DLGAP1: variants seen among roughly 807,000 people sequenced by gnomAD.
DLGAP1 encodes the protein disks large-associated protein 1.
Under a neutral mutation model 90.8 loss-of-function variants are expected in DLGAP1, and 11 were observed. The ratio of observed to expected loss-of-function variants is 0.12; its 90% CI spans 0.08 to 0.20. The LOEUF is 0.20. DLGAP1 is among the 10% of genes least tolerant of loss of function. The pLI, the probability that DLGAP1 is intolerant of heterozygous loss-of-function variation, is 1.00. For missense variants in DLGAP1, 1,050 were observed against 1,333.8 expected (o/e 0.79, Z 3.31); for synonymous variants, 558 against 540.7 (o/e 1.03, Z -0.44).
At chr18:3,977,721 A>C (rs2073625512) in intron 3 of DLGAP1, 1 of 322,994 alleles carries the variant, frequency 3.1e-6, no homozygotes, top group African/African-American at 2.2e-5. Context: ...ACCAGGAAAT[A>C]AGCTTGACAA....
chr18:3,844,110 G>A (rs59607637), intron 4 of DLGAP1, among the ~76,000 whole-genome samples: 51 of 152,216 alleles, frequency 3.4e-4, no homozygotes, highest in African/African-American at 1.1e-3. Context: ...CTCGTCTCCC[G>A]TGCATAAAAA....
intron 1 of DLGAP1, among the ~76,000 whole-genome samples, chr18:4,347,082 T>C (rs962045514): frequency 6.6e-6 from 1 of 152,064 alleles, no homozygotes; most frequent in African/African-American, 2.4e-5. Context: ...CATCTATGTA[T>C]ACAAGTTTGA....
chr18:3,926,467 CCT>C (rs539084349), intron 3 of DLGAP1, among the ~76,000 whole-genome samples: 1,781 of 131,424 alleles, frequency 0.014, 38 homozygotes, highest in African/African-American at 0.039. Context: ...TATATATGTG[CCT>C]ATGTATGTAG....
At chr18:4,169,230 T>C (rs1443270803) in intron 1 of DLGAP1, among the ~76,000 whole-genome samples, 1 of 152,214 alleles carries the variant, frequency 6.6e-6, no homozygotes, top group Non-Finnish European at 1.5e-5. Flanking sequence ...CTGTTTTATA[T>C]GTATAAACTA....
chr18:3,599,378 G>T (rs1430760517), intron 7 of DLGAP1, among the ~76,000 whole-genome samples: 1 of 152,208 alleles, frequency 6.6e-6, no homozygotes, highest in African/African-American at 2.4e-5. Flanking sequence ...TGGAGTACTT[G>T]AATTTGTCTG....
chr18:4,189,766 T>C (rs2077361882), intron 1 of DLGAP1, among the ~76,000 whole-genome samples: 1 of 152,052 alleles, frequency 6.6e-6, no homozygotes, highest in South Asian at 2.1e-4. Flanking sequence ...GAATACACAA[T>C]ACATCAATAG....
intron 9 of DLGAP1, among the ~76,000 whole-genome samples, chr18:3,540,469 C>CAAAAAAAAAAAAAA (rs60740209): frequency 1.7e-5 from 1 of 58,020 alleles, no homozygotes; most frequent in Non-Finnish European, 3.1e-5. Context: ...GGCCCTGTGT[C>CAAAAAAAAAAAAAA]AAAAAAAAAA....
chr18:4,224,464 C>A (rs951915099), intron 1 of DLGAP1, among the ~76,000 whole-genome samples: 1 of 152,102 alleles, frequency 6.6e-6, no homozygotes, highest in African/African-American at 2.4e-5. Flanking sequence ...CATATGGGAA[C>A]CCACATCCCT....
intron 2 of DLGAP1, among the ~76,000 whole-genome samples, chr18:4,009,681 G>A (rs1440628240): frequency 6.6e-6 from 1 of 152,274 alleles, no homozygotes; most frequent in South Asian, 2.1e-4. Flanking sequence ...GAAAATATTT[G>A]CATAATAACA....
rs533403432 is a variant in DLGAP1 at position 3,714,210 on chromosome 18, T to C, written c.1591+14925A>G. 2.0e-5 allele frequency among the ~76,000 whole-genome samples: 3 copies of C among 152,346 alleles called. No homozygotes were observed. The South Asian group carries it at 6.2e-4, about 32-fold the overall frequency. ...CATATAATCCTATGAAGACTTTCCA[T>C]GGAAGCAAAGCAAAACAACGTATGA... On this transcript the variant is annotated intron_variant, in intron 7 of 12. Transcript: ENST00000315677.
At chr18:3,955,217 G>A (rs1327726753) in intron 3 of DLGAP1, among the ~76,000 whole-genome samples, 1 of 152,168 alleles carries the variant, frequency 6.6e-6, no homozygotes, top group Non-Finnish European at 1.5e-5. Flanking sequence ...TCTTGTTTTA[G>A]TAAGTGGGGA....
At chr18:3,958,907 A>G (rs2073137234) in intron 3 of DLGAP1, among the ~76,000 whole-genome samples, 1 of 152,188 alleles carries the variant, frequency 6.6e-6, no homozygotes, top group African/African-American at 2.4e-5. Context: ...TGCCTGTAAT[A>G]TCTCAAGGAA....
At chr18:4,304,617 T>G (rs914317754) in intron 1 of DLGAP1, among the ~76,000 whole-genome samples, 3 of 152,216 alleles carry the variant, frequency 2.0e-5, no homozygotes, top group African/African-American at 7.2e-5. Context: ...TATCTTAGTA[T>G]CTAAAATAAT....
At chr18:4,078,920 T>C (rs1419998393) in intron 2 of DLGAP1, among the ~76,000 whole-genome samples, 2 of 152,192 alleles carry the variant, frequency 1.3e-5, no homozygotes, top group African/African-American at 4.8e-5. Context: ...TTAGCATTTT[T>C]TTTTCTATTT....
At position 3,718,697 on chromosome 18, in the gene DLGAP1, G is replaced by A. The variant is rs561087258; in HGVS notation, c.1591+10438C>T. Among the ~76,000 whole-genome samples the A allele has an allele frequency of 1.1e-4, 16 of 152,038 alleles. No homozygotes were observed. The East Asian group carries it at 1.8e-3, about 17-fold the overall frequency. On this transcript the variant is annotated intron_variant, in intron 7 of 12. Coordinates refer to ENST00000315677, the MANE Select transcript of DLGAP1 (RefSeq NM_004746.4). ...TCCCAGCACTTTGGGGGGTCGAGGC[G>A]GGTGGATCGCCTGAGGTCAGGAGTT... is the stretch of plus-strand genomic sequence containing the variant.
chr18:3,547,049 C>G (rs1478366671), intron 9 of DLGAP1, among the ~76,000 whole-genome samples: 1 of 151,852 alleles, frequency 6.6e-6, no homozygotes, highest in African/African-American at 2.4e-5. Context: ...CGCCTGTAAT[C>G]CCAGCACTTT....
intron 7 of DLGAP1, among the ~76,000 whole-genome samples, chr18:3,683,239 C>A (rs1052667704): frequency 1.3e-5 from 2 of 152,100 alleles, no homozygotes; most frequent in Admixed American, 6.6e-5. Context: ...AGAGAAGGAG[C>A]TGATGGTAGA....
chr18:3,908,759 T>C (rs2071968956), intron 3 of DLGAP1, among the ~76,000 whole-genome samples: 2 of 152,202 alleles, frequency 1.3e-5, no homozygotes, highest in South Asian at 4.1e-4. Flanking sequence ...CTGATTATAA[T>C]ACATTTTTAG....
chr18:4,318,967 C>T (rs1336182525), intron 1 of DLGAP1, among the ~76,000 whole-genome samples: 4 of 152,064 alleles, frequency 2.6e-5, no homozygotes, highest in Non-Finnish European at 4.4e-5. Context: ...GTATTATATA[C>T]CTAAATGTTG....
Sources: gnomAD v4.1 joint callset for allele counts (sites outside exome capture counted in the v4.1 genomes callset) on GRCh38, gnomAD v4.1.1 for gene constraint, MANE v1.5 for transcripts, NCBI Gene and HGNC (gene_info 2026-07-23, HGNC 2026-07-21) for gene names.